ELAPOR1: variants seen among roughly 807,000 people sequenced by gnomAD.
The protein encoded by ELAPOR1 is endosome-lysosome associated apoptosis and autophagy regulator 1.
In ELAPOR1, 77 loss-of-function variants were observed where a neutral mutation model predicts 119.7. The ratio of observed to expected loss-of-function variants is 0.64; its 90% CI spans 0.54 to 0.78. The LOEUF is 0.78. Among genes scored for constraint, ELAPOR1 ranks in the 30% least tolerant of loss-of-function variants. The probability of loss-of-function intolerance (pLI) is 0.00; values close to 1 mark genes in which losing one functional copy is unlikely to be tolerated. For synonymous variants in ELAPOR1, 481 were observed against 487.2 expected (o/e 0.99, Z 0.17); for missense variants, 1,115 against 1,270.4 (o/e 0.88, Z 1.86).
intron 8 of ELAPOR1, chr1:109,186,960 C>A: frequency 2.0e-6 from 2 of 985,548 alleles, no homozygotes; most frequent in Non-Finnish European, 2.4e-6. Context: ...AGAGGAGGAG[C>A]ACTGAAGCGT....
intron 7 of ELAPOR1, among the ~76,000 whole-genome samples, chr1:109,180,553 G>A (rs1652631457): frequency 6.6e-6 from 1 of 152,054 alleles, no homozygotes; most frequent in South Asian, 2.1e-4. Flanking sequence ...GCCTCATAGT[G>A]TTATTGTGAG....
chr1:109,136,723 CTG>C (rs1444555738), intron 1 of ELAPOR1, among the ~76,000 whole-genome samples: 1 of 152,196 alleles, frequency 6.6e-6, no homozygotes, highest in Non-Finnish European at 1.5e-5. Flanking sequence ...TAACGAACTC[CTG>C]TGTCTCTAGA....
chr1:109,127,987 C>G (rs1648902956), intron 1 of ELAPOR1, among the ~76,000 whole-genome samples: 3 of 152,034 alleles, frequency 2.0e-5, no homozygotes, highest in African/African-American at 7.2e-5. Context: ...GATCCTCCAG[C>G]CTTAGCCTCC....
At chr1:109,168,895 T>C (rs1570675174) in intron 3 of ELAPOR1, among the ~76,000 whole-genome samples, 3 of 152,292 alleles carry the variant, frequency 2.0e-5, no homozygotes, top group Admixed American at 2.0e-4. Flanking sequence ...CAAAACATGT[T>C]GTTATTATTG....
intron 14 of ELAPOR1, among the ~76,000 whole-genome samples, chr1:109,193,767 C>T (rs961931402): frequency 2.6e-5 from 4 of 152,184 alleles, no homozygotes; most frequent in African/African-American, 9.7e-5. Context: ...GCAATAAGTG[C>T]AGCGATTCTA....
chr1:109,177,385 C>T (rs1570691866), intron 7 of ELAPOR1, among the ~76,000 whole-genome samples: 1 of 120,438 alleles, frequency 8.3e-6, no homozygotes, highest in Non-Finnish European at 1.7e-5. Flanking sequence ...TCAGACGGGG[C>T]GGCCGGGCAG....
At chr1:109,169,130 T>C (rs1243066545) in intron 3 of ELAPOR1, among the ~76,000 whole-genome samples, 2 of 151,860 alleles carry the variant, frequency 1.3e-5, no homozygotes, top group Non-Finnish European at 2.9e-5. Flanking sequence ...TCATGTTATA[T>C]GTTTTCGTTT....
At chr1:109,197,376 G>A in intron 15 of ELAPOR1, 98 bp from the exon 16 acceptor site, 1 of 1,007,394 alleles carries the variant, frequency 9.9e-7, no homozygotes, top group Non-Finnish European at 1.5e-6. Flanking sequence ...TTGAAACGCT[G>A]AAAATTTAGA....
At chr1:109,180,009 G>A (rs945163184) in intron 7 of ELAPOR1, among the ~76,000 whole-genome samples, 2 of 152,212 alleles carry the variant, frequency 1.3e-5, no homozygotes, top group African/African-American at 2.4e-5. Flanking sequence ...AGAGGCTGTG[G>A]TAGGGAGATG....
Position 109,198,553 on chromosome 1 carries a change from G to A in ELAPOR1, c.2400-20G>A. 1 of 1,605,214 alleles carries A rather than the reference G, an allele frequency of 6.2e-7. No homozygotes were observed. The highest frequency in any genetic ancestry group is 8.5e-7 in the Non-Finnish European group (1 of 1,174,408). On this transcript the variant is annotated intron_variant, in intron 17 of 21. Coordinates refer to ENST00000369939, the MANE Select transcript of ELAPOR1 (RefSeq NM_020775.5). ...CAGCTGAGTGACTCATTCCCTCATG[G>A]GGGCTGGCTTTCTCTGCAGGTCCAA...
intron 1 of ELAPOR1, among the ~76,000 whole-genome samples, chr1:109,146,198 T>A (rs750808313): frequency 1.3e-5 from 2 of 152,020 alleles, no homozygotes; most frequent in Non-Finnish European, 2.9e-5. Flanking sequence ...CGCATGCCTA[T>A]AGTCCCAGCT....
chr1:109,193,453 G>T (rs1464797542), intron 14 of ELAPOR1, among the ~76,000 whole-genome samples: 3 of 152,150 alleles, frequency 2.0e-5, no homozygotes, highest in South Asian at 4.1e-4. Flanking sequence ...GGGGTTCAAG[G>T]TTGTAATGAG....
In ELAPOR1 at chr1:109,186,499, A is replaced by G. The variant is rs550442049; in HGVS notation, c.1041+1366A>G. 1.3e-5 allele frequency: 13 copies of G among 985,278 alleles called. No individual in the cohort carries two copies. The South Asian group carries it at 3.8e-4, about 28-fold the overall frequency. The allele number at this position is 985,278 out of a possible 1,614,324, so 61.0% of individuals were successfully genotyped here. On this transcript the variant is annotated intron_variant, in intron 8 of 21. Coordinates refer to ENST00000369939, the MANE Select transcript of ELAPOR1 (RefSeq NM_020775.5). ...ATGGGTTAAAGTCTGGTCCTTAACA[A>G]TGAATATTTTGCACAGTCATCTCTT...
intron 7 of ELAPOR1, among the ~76,000 whole-genome samples, chr1:109,175,826 C>CAAAAAAAAAAAAACAAA (rs1652243447): frequency 1.1e-5 from 1 of 88,434 alleles, no homozygotes; most frequent in African/African-American, 4.6e-5. Flanking sequence ...GACTCAGTCT[C>CAAAAAAAAAAAAACAAA]AAAAAAAAAA....
intron 2 of ELAPOR1, among the ~76,000 whole-genome samples, chr1:109,162,697 T>C (rs759572875): frequency 6.6e-6 from 1 of 152,240 alleles, no homozygotes; most frequent in African/African-American, 2.4e-5. Flanking sequence ...TTTGAAGATA[T>C]TTAAATTCTA....
intron 1 of ELAPOR1, among the ~76,000 whole-genome samples, chr1:109,159,173 G>A (rs1320687803): frequency 3.9e-5 from 6 of 152,154 alleles, no homozygotes; most frequent in Non-Finnish European, 7.4e-5. Context: ...GGATTACAGC[G>A]TGAGCCACCG....
intron 7 of ELAPOR1, among the ~76,000 whole-genome samples, chr1:109,176,121 G>T (rs961297495): frequency 6.6e-6 from 1 of 152,156 alleles, no homozygotes; most frequent in Admixed American, 6.5e-5. Context: ...ACAGCAGGAA[G>T]CAGCCTGTTT....
intron 1 of ELAPOR1, among the ~76,000 whole-genome samples, chr1:109,153,140 A>G (rs928475401): frequency 2.0e-5 from 3 of 152,084 alleles, no homozygotes; most frequent in African/African-American, 2.4e-5. Flanking sequence ...TTTAATATAT[A>G]TTTGAAATAA....
chr1:109,132,830 A>T (rs1295104953), intron 1 of ELAPOR1, among the ~76,000 whole-genome samples: 1 of 152,220 alleles, frequency 6.6e-6, no homozygotes, highest in Non-Finnish European at 1.5e-5. Context: ...GTCTTAATTA[A>T]CTAATGAATT....
Sources: gnomAD v4.1 joint callset for allele counts (sites outside exome capture counted in the v4.1 genomes callset) on GRCh38, gnomAD v4.1.1 for gene constraint, MANE v1.5 for transcripts, NCBI Gene and HGNC (gene_info 2026-07-23, HGNC 2026-07-21) for gene names.